DOCK8: variants seen among roughly 807,000 people sequenced by gnomAD.
The protein encoded by DOCK8 is dedicator of cytokinesis 8.
DOCK8 carries 141 observed loss-of-function variants against 245.6 expected under a neutral mutation model. The observed-to-expected ratio is 0.57, with a 90% CI of 0.50 to 0.66. The LOEUF (loss-of-function observed/expected upper bound fraction) is 0.66, where lower values mean the gene tolerates loss of function less well. Among genes scored for constraint, DOCK8 ranks in the 30% least tolerant of loss-of-function variants. The pLI, the probability that DOCK8 is intolerant of heterozygous loss-of-function variation, is 0.00. For synonymous variants in DOCK8, 1,168 were observed against 970.2 expected, an observed-to-expected ratio of 1.20 and a Z score of -3.79; for missense variants, 2,965 against 2,603.4, an observed-to-expected ratio of 1.14 and a Z score of -3.02.
Position 406,506 on chromosome 9 carries a change from A to G in DOCK8, c.3391-424A>G, listed in dbSNP as rs898455728. Among the ~76,000 whole-genome samples the G allele has an allele frequency of 5.6e-3, 789 of 140,636 alleles. 9 individuals are homozygous for G. The highest frequency in any genetic ancestry group is 0.019 in the African/African-American group (765 of 39,878). 92.3% of individuals were successfully genotyped at this position (140,636 alleles called of 152,430 possible). ...TGTCTTTCAAAAAAAAAAAAAAAAAAAAAAGAAGGTACCTGAGTAAGCAGG... is the reference window on the plus strand; with the variant it reads ...TGTCTTTCAAAAAAAAAAAAAAAAAGAAAAGAAGGTACCTGAGTAAGCAGG... On this transcript the variant is annotated intron_variant, in intron 27 of 47. Transcript: ENST00000432829.
Position 428,490 on chromosome 9 carries a change from C to T in DOCK8, c.4467C>T (p.Ile1489=), listed in dbSNP as rs375909670. 9.4e-5 allele frequency: 151 copies of T among 1,614,070 alleles called. No homozygotes were observed. Among genetic ancestry groups the T allele is most frequent in the Non-Finnish European group, 1.2e-4 (139 of 1,180,042 alleles). Residue 1489 remains isoleucine (I), a synonymous_variant, in exon 35 of 48, where the codon ATC becomes ATT. Transcript: ENST00000432829. ...GCTTTGCAACACTCCGTGCTCTCAT[C>T]GCCAAGGTAAACTTGGGATGCTTGT... is the stretch of plus-strand genomic sequence containing the variant. ...THCFATLRAL[I]AKFGDLLFEE...
chr9:454,033 T>A (rs1281065917), intron 46 of DOCK8, among the ~76,000 whole-genome samples: 1 of 152,174 alleles, frequency 6.6e-6, no homozygotes, highest in Non-Finnish European at 1.5e-5. Context: ...GAATGCAGCA[T>A]ATGCACAGAA....
chr9:244,384 A>T (rs2047454015), intron 1 of DOCK8, among the ~76,000 whole-genome samples: 1 of 151,976 alleles, frequency 6.6e-6, no homozygotes, highest in South Asian at 2.1e-4. Context: ...TATTGCATTT[A>T]AAAAACGCTG....
At chr9:244,234 A>G (rs1346877021) in intron 1 of DOCK8, among the ~76,000 whole-genome samples, 2 of 150,444 alleles carry the variant, frequency 1.3e-5, no homozygotes, top group Non-Finnish European at 3.0e-5. Context: ...GTTTTCCTCC[A>G]TGTTCCATGA....
intron 9 of DOCK8, among the ~76,000 whole-genome samples, chr9:331,936 A>G (rs1032046575): frequency 6.6e-6 from 1 of 152,228 alleles, no homozygotes; most frequent in African/African-American, 2.4e-5. Flanking sequence ...CCCTAACCCA[A>G]CTTTCACAGA....
intron 2 of DOCK8, chr9:277,197 T>C (rs2048379008): frequency 6.4e-6 from 1 of 155,198 alleles, no homozygotes; most frequent in Non-Finnish European, 1.4e-5. Flanking sequence ...GGCAGGAGGA[T>C]AGCTTGAAGC....
chr9:264,454 G>C (rs568993956), intron 1 of DOCK8, among the ~76,000 whole-genome samples: 1 of 152,174 alleles, frequency 6.6e-6, no homozygotes, highest in Non-Finnish European at 1.5e-5. Flanking sequence ...TGTTGAATCC[G>C]TTTTATGGAA....
chr9:292,362 G>A (rs965889517), intron 4 of DOCK8, among the ~76,000 whole-genome samples: 10 of 94,928 alleles, frequency 1.1e-4, no homozygotes, highest in African/African-American at 4.1e-4. Flanking sequence ...ACTCCAGCCT[G>A]GGCAACAAGA....
At chr9:427,019 TGAATATGTTTACTA>T (rs1197077970) in intron 34 of DOCK8, 38 bp downstream of exon 34, 1 of 1,556,712 alleles carries the variant, frequency 6.4e-7, no homozygotes, top group African/African-American at 1.4e-5. Flanking sequence ...TTGTTGGCCA[TGAATATGTTTACTA>T]GAATAAGGAC....
chr9:302,623 G>C (rs2049606060), intron 4 of DOCK8, among the ~76,000 whole-genome samples: 1 of 152,116 alleles, frequency 6.6e-6, no homozygotes, highest in African/African-American at 2.4e-5. Flanking sequence ...CTGATATCCA[G>C]AATCTATAAG....
intron 1 of DOCK8, among the ~76,000 whole-genome samples, chr9:248,380 A>G (rs1289661884): frequency 6.6e-6 from 1 of 152,108 alleles, no homozygotes; most frequent in Non-Finnish European, 1.5e-5. Flanking sequence ...CTTGCTTTCA[A>G]AGGAACACCA....
intron 33 of DOCK8, among the ~76,000 whole-genome samples, chr9:426,176 A>T (rs2056493328): frequency 6.6e-6 from 1 of 152,170 alleles, no homozygotes. Context: ...TAGCAAAAAA[A>T]ACCATTCTGA....
chr9:336,976 G>C (rs541614630), intron 12 of DOCK8, among the ~76,000 whole-genome samples: 2 of 152,276 alleles, frequency 1.3e-5, no homozygotes, highest in East Asian at 3.9e-4. Context: ...TGCTGGCGGG[G>C]CCTCTCTGTA....
chr9:236,811 A>G (rs1371681861), intron 1 of DOCK8, among the ~76,000 whole-genome samples: 3 of 152,190 alleles, frequency 2.0e-5, no homozygotes, highest in African/African-American at 7.2e-5. Context: ...TTACAGCTCT[A>G]CCATCTTGTG....
At chr9:215,205 G>A in intron 1 of DOCK8, 176 bp downstream of exon 1, 4 of 1,524,528 alleles carry the variant, frequency 2.6e-6, no homozygotes, top group Admixed American at 2.0e-5. Context: ...CTGGACGCGC[G>A]GCGGCTCCTG....
rs1237359065 is a variant in DOCK8, at chr9:225,080, A to G, written c.53+10051A>G. Among the ~76,000 whole-genome samples the G allele has an allele frequency of 4.6e-5, 7 of 152,186 alleles. No homozygotes were observed. The East Asian group carries it at 1.2e-3, about 25-fold the overall frequency. On this transcript the variant is annotated intron_variant, in intron 1 of 47. Coordinates refer to ENST00000432829, the MANE Select transcript of DOCK8 (RefSeq NM_203447.4). ...TCCAATAATTTCACTCAAATCAACA[A>G]GATATTTTATTGCCTATGACTTCCT...
chr9:446,276 C>T (rs746498724), intron 43 of DOCK8, 94 bp from the exon 44 acceptor site: 37 of 1,062,436 alleles, frequency 3.5e-5, no homozygotes, highest in East Asian at 1.4e-4. Flanking sequence ...AGGGCGGTGC[C>T]GGCACGCCGT....
At position 449,843 on chromosome 9, in the gene DOCK8, A is replaced by G; in HGVS notation, c.5877A>G (p.Leu1959=). ...ACATGAAGAAGAAGACCCTGCAGTT[A>G]GCAGTTGCCATTAACCAGGAGCCGC... ...IEDMKKKTLQ[L]AVAINQEPPD... The change falls in exon 45 of 48, where the codon TTA becomes TTG. Residue 1959 remains leucine (L), a synonymous_variant. Coordinates refer to ENST00000432829, the MANE Select transcript of DOCK8 (RefSeq NM_203447.4). The G allele has an allele frequency of 6.2e-7, 1 of 1,613,628 alleles. No individual in the cohort carries two copies.
At chr9:244,053 C>T (rs902224867) in intron 1 of DOCK8, among the ~76,000 whole-genome samples, 16 of 151,800 alleles carry the variant, frequency 1.1e-4, no homozygotes, top group East Asian at 1.9e-4. Context: ...CCGGGCGTGG[C>T]GGCGACCGCT....
Sources: allele counts gnomAD v4.1 joint callset (sites outside exome capture counted in the v4.1 genomes callset), GRCh38; gene constraint gnomAD v4.1.1; transcripts MANE v1.5; gene names NCBI Gene and HGNC (gene_info 2026-07-23, HGNC 2026-07-21).